Variants in KCNJ6 observed in about 807,000 individuals in gnomAD.
KCNJ6 encodes the protein G protein-activated inward rectifier potassium channel 2.
KCNJ6 carries 9 observed loss-of-function variants against 34.2 expected under a neutral mutation model. The observed-to-expected ratio is 0.26, with a 90% CI of 0.16 to 0.46. KCNJ6 has a LOEUF of 0.46. Ranked by LOEUF, KCNJ6 falls within the 20% of genes least tolerant of loss-of-function variation. KCNJ6 has a pLI of 1.00. For missense variants in KCNJ6, 236 were observed against 531.3 expected, an observed-to-expected ratio of 0.44 and a Z score of 5.46; for synonymous variants, 196 against 207.1, an observed-to-expected ratio of 0.95 and a Z score of 0.46.
chr21:37,767,719 T>C (rs2123500898), intron 2 of KCNJ6, among the ~76,000 whole-genome samples: 1 of 152,356 alleles, frequency 6.6e-6, no homozygotes, highest in South Asian at 2.1e-4. Context: ...TACTACAAAA[T>C]ACTGAAGAAA....
intron 3 of KCNJ6, among the ~76,000 whole-genome samples, chr21:37,649,157 AAG>A (rs1569437381): frequency 2.2e-5 from 3 of 134,018 alleles, no homozygotes; most frequent in Admixed American, 7.8e-5. Flanking sequence ...AAAAAAAAGA[AAG>A]AAAAAGAAAG....
intron 3 of KCNJ6, among the ~76,000 whole-genome samples, chr21:37,698,401 C>T (rs1298634253): frequency 8.5e-5 from 13 of 152,188 alleles, no homozygotes; most frequent in Non-Finnish European, 8.8e-5. Context: ...GCTGGGAGTG[C>T]GGGAGGGGGG....
intron 3 of KCNJ6, among the ~76,000 whole-genome samples, chr21:37,677,766 ATTTG>A (rs753943202): frequency 4.6e-5 from 7 of 150,870 alleles, no homozygotes; most frequent in Non-Finnish European, 7.4e-5. Flanking sequence ...ACACCAAACC[ATTTG>A]TCCATCCATC....
Position 37,827,142 on chromosome 21 carries a change from G to A in KCNJ6, c.25+13516C>T, listed in dbSNP as rs1455992414. The stretch of plus-strand genomic sequence containing the variant: ...AAAATATCCCTAGCAACTAAGCAGG[G>A]AATGATATTTGGTTTGGGTTTGACT... On this transcript the variant is annotated intron_variant, in intron 2 of 3. Coordinates refer to ENST00000609713, the MANE Select transcript of KCNJ6 (RefSeq NM_002240.5). 6.6e-5 allele frequency among the ~76,000 whole-genome samples: 10 copies of A among 152,296 alleles called. No homozygotes were observed. The South Asian group carries it at 2.1e-3, about 32-fold the overall frequency.
intron 2 of KCNJ6, among the ~76,000 whole-genome samples, chr21:37,822,416 G>A (rs2055377535): frequency 6.6e-6 from 1 of 152,150 alleles, no homozygotes; most frequent in African/African-American, 2.4e-5. Flanking sequence ...CCAGACAGCA[G>A]CCAATATCCC....
intron 1 of KCNJ6, among the ~76,000 whole-genome samples, chr21:37,867,780 A>T (rs2055630409): frequency 6.6e-6 from 1 of 152,228 alleles, no homozygotes; most frequent in Admixed American, 6.5e-5. Context: ...TCAGGCAGCG[A>T]AGAGACTGGT....
intron 3 of KCNJ6, among the ~76,000 whole-genome samples, chr21:37,626,505 G>T (rs1411763037): frequency 6.6e-6 from 1 of 152,190 alleles, no homozygotes; most frequent in African/African-American, 2.4e-5. Flanking sequence ...GCTACCAGCA[G>T]CCCTGGAGTC....
intron 2 of KCNJ6, 66 bp from the exon 3 acceptor site, chr21:37,715,197 G>A (rs2054783957): frequency 8.1e-6 from 11 of 1,363,248 alleles, no homozygotes; most frequent in African/African-American, 1.5e-5. Flanking sequence ...ACAATGGAAC[G>A]GCACACTTTG....
chr21:37,610,582 G>A lies in KCNJ6; in HGVS notation c.*14577C>T, dbSNP rs2054239231. ...CCACTCTACTCCAGCCTGGGCAACA[G>A]AGTGAGACTCTGTCTTAAAAAAAAA... On this transcript the variant is annotated 3_prime_UTR_variant, in exon 4 of 4. Transcript: ENST00000609713. 1 of 119,476 alleles carries A rather than the reference G, an allele frequency of 8.4e-6. No homozygotes were observed. Among genetic ancestry groups the A allele is most frequent in the African/African-American group, 3.4e-5 (1 of 29,718 alleles). The allele number at this position is 119,476 out of a possible 1,614,324, so 7.4% of individuals were successfully genotyped here.
At chr21:37,908,763 C>A (rs1001130081) in intron 1 of KCNJ6, among the ~76,000 whole-genome samples, 8 of 152,210 alleles carry the variant, frequency 5.3e-5, no homozygotes, top group African/African-American at 1.9e-4. Flanking sequence ...GATTCAAGGG[C>A]ACCAGGAAAT....
At chr21:37,777,508 G>A (rs929916499) in intron 2 of KCNJ6, among the ~76,000 whole-genome samples, 1 of 151,948 alleles carries the variant, frequency 6.6e-6, no homozygotes, top group African/African-American at 2.4e-5. Context: ...TTTGCTTTTT[G>A]TCTTCTCCCA....
At chr21:37,833,204 G>A (rs886734089) in intron 2 of KCNJ6, among the ~76,000 whole-genome samples, 7 of 151,912 alleles carry the variant, frequency 4.6e-5, no homozygotes, top group Non-Finnish European at 7.4e-5. Flanking sequence ...TAGTGGAGAC[G>A]GGGTTTCACC....
intron 3 of KCNJ6, among the ~76,000 whole-genome samples, chr21:37,686,217 A>G (rs577259567): frequency 2.6e-5 from 4 of 152,304 alleles, no homozygotes; most frequent in South Asian, 2.1e-4. Context: ...TGGACAAAGA[A>G]GGATTTGCTG....
In KCNJ6 at chr21:37,903,754, G is replaced by A. The variant is rs190440495; in HGVS notation, c.-28+12130C>T. Among the ~76,000 whole-genome samples, 514 of 151,368 alleles carry A rather than the reference G, an allele frequency of 3.4e-3. 3 individuals are homozygous for A. Among genetic ancestry groups the A allele is most frequent in the Middle Eastern group, 0.01 (3 of 294 alleles). On this transcript the variant is annotated intron_variant, in intron 1 of 3. Transcript: ENST00000609713. ...AAAACAAAACAAAACAAAAAAAAAC[G>A]AAGAAGCAACTTGAGTCCAGATTCT...
chr21:37,707,449 T>G (rs1366850122), intron 3 of KCNJ6, among the ~76,000 whole-genome samples: 1 of 152,098 alleles, frequency 6.6e-6, no homozygotes, highest in Non-Finnish European at 1.5e-5. Context: ...TGTTCCCATT[T>G]TAGAGTTGAA....
At chr21:37,628,538 T>C (rs1346615039) in intron 3 of KCNJ6, among the ~76,000 whole-genome samples, 3 of 152,136 alleles carry the variant, frequency 2.0e-5, no homozygotes, top group Non-Finnish European at 4.4e-5. Flanking sequence ...CTCAGAGACC[T>C]GTGGGACAGA....
At chr21:37,758,663 G>T (rs551556422) in intron 2 of KCNJ6, among the ~76,000 whole-genome samples, 1 of 152,120 alleles carries the variant, frequency 6.6e-6, no homozygotes, top group South Asian at 2.1e-4. Context: ...TTTGAGACAG[G>T]GTCTGGCTAT....
Position 37,611,711 on chromosome 21 carries a change from T to C in KCNJ6, c.*13448A>G, listed in dbSNP as rs1487007013. 3.3e-5 allele frequency: 5 copies of C among 152,138 alleles called. No homozygotes were observed. In the South Asian group the frequency reaches 8.3e-4, roughly 25 times the overall value. The allele number at this position is 152,138 out of a possible 1,614,324, so 9.4% of individuals were successfully genotyped here. A position where few individuals can be genotyped will look rare whatever the true frequency, so the allele number is the denominator to read the frequency against. ...TTCAAAGATCAACTAATGTAATGAA[T>C]ATCAACAGGCAAAAGAAGAAAAATT... On this transcript the variant is annotated 3_prime_UTR_variant, in exon 4 of 4. Transcript: ENST00000609713.
intron 1 of KCNJ6, among the ~76,000 whole-genome samples, chr21:37,885,473 A>G (rs1453037998): frequency 6.6e-6 from 1 of 152,248 alleles, no homozygotes; most frequent in African/African-American, 2.4e-5. Flanking sequence ...CAATGAATTG[A>G]CTTTAAGAGA....
Sources: allele counts gnomAD v4.1 joint callset (sites outside exome capture counted in the v4.1 genomes callset), GRCh38; gene constraint gnomAD v4.1.1; transcripts MANE v1.5; gene names NCBI Gene and HGNC (gene_info 2026-07-23, HGNC 2026-07-21).